Variants in PDE7B observed in about 807,000 individuals in gnomAD.
The protein encoded by PDE7B is 3',5'-cyclic-AMP phosphodiesterase 7B.
A neutral mutation model predicts 56.2 loss-of-function variants in PDE7B; 29 were observed. The observed-to-expected ratio is 0.52, with a 90% CI of 0.38 to 0.70. PDE7B has a LOEUF of 0.70. PDE7B is among the 30% of genes least tolerant of loss of function. The pLI is 0.00. For missense variants in PDE7B, 490 were observed against 565.0 expected (o/e 0.87, Z 1.35); for synonymous variants, 197 against 196.9 (o/e 1.00, Z 0.00).
chr6:136,187,403 G>A (rs1379705292), intron 12 of PDE7B, among the ~76,000 whole-genome samples: 3 of 152,132 alleles, frequency 2.0e-5, no homozygotes, highest in Non-Finnish European at 4.4e-5. Context: ...AAAAAGAGTA[G>A]AAGAAAAGTA....
intron 2 of PDE7B, among the ~76,000 whole-genome samples, chr6:136,063,875 C>T (rs1776887612): frequency 6.6e-6 from 1 of 152,216 alleles, no homozygotes; most frequent in African/African-American, 2.4e-5. Context: ...ATAGCACCTT[C>T]TAGCTTATGC....
At chr6:135,928,669 C>A (rs1774244295) in intron 1 of PDE7B, among the ~76,000 whole-genome samples, 1 of 150,658 alleles carries the variant, frequency 6.6e-6, no homozygotes, top group East Asian at 2.0e-4. Context: ...ATGAACAAAG[C>A]TAAAGGCCAT....
chr6:135,972,661 C>G (rs1474830368), intron 2 of PDE7B, among the ~76,000 whole-genome samples: 1 of 152,120 alleles, frequency 6.6e-6, no homozygotes, highest in African/African-American at 2.4e-5. Context: ...AGTGTCTGCT[C>G]TAAATCAATA....
chr6:136,064,417 G>C (rs1776898417), intron 2 of PDE7B: 1 of 152,166 alleles, frequency 6.6e-6, no homozygotes, highest in Admixed American at 6.5e-5. Context: ...TTGAATGCCA[G>C]GCTAGGAACA....
chr6:136,032,167 C>T (rs11154849), intron 2 of PDE7B, among the ~76,000 whole-genome samples: 50,487 of 152,046 alleles, frequency 0.33, 8,775 homozygotes, highest in Admixed American at 0.43. Flanking sequence ...AAACAAAACA[C>T]TGAGGCCCTC....
chr6:135,862,784 C>T (rs1032327582), intron 1 of PDE7B, among the ~76,000 whole-genome samples: 3 of 151,530 alleles, frequency 2.0e-5, no homozygotes, highest in African/African-American at 7.3e-5. Flanking sequence ...TTCAGTGTTT[C>T]TTCTTTTTGA....
chr6:136,094,377 A>G (rs987862170), intron 2 of PDE7B: 3 of 152,688 alleles, frequency 2.0e-5, no homozygotes, highest in African/African-American at 7.2e-5. Context: ...CTGCTCCACC[A>G]TGTTGGCCCC....
intron 3 of PDE7B, among the ~76,000 whole-genome samples, chr6:136,143,830 A>G (rs886131390): frequency 1.3e-5 from 2 of 152,122 alleles, no homozygotes; most frequent in Non-Finnish European, 2.9e-5. Context: ...TTCCTAAAGT[A>G]CTACACTACT....
intron 2 of PDE7B, among the ~76,000 whole-genome samples, chr6:136,001,470 T>G (rs1398364953): frequency 1.3e-5 from 2 of 152,058 alleles, no homozygotes; most frequent in Non-Finnish European, 2.9e-5. Context: ...TAGACAAATG[T>G]ATAACTAGAA....
intron 6 of PDE7B, among the ~76,000 whole-genome samples, chr6:136,152,347 A>G (rs1778534539): frequency 6.6e-6 from 1 of 152,226 alleles, no homozygotes; most frequent in Non-Finnish European, 1.5e-5. Flanking sequence ...AAAAATAATA[A>G]TAACTACCAT....
At chr6:135,859,080 C>A (rs905806059) in intron 1 of PDE7B, among the ~76,000 whole-genome samples, 3 of 151,258 alleles carry the variant, frequency 2.0e-5, no homozygotes, top group African/African-American at 7.3e-5. Context: ...AAAAGACCTT[C>A]ATTTCCCTTT....
intron 2 of PDE7B, among the ~76,000 whole-genome samples, chr6:136,092,304 T>A (rs1011949072): frequency 6.6e-6 from 1 of 152,198 alleles, no homozygotes; most frequent in African/African-American, 2.4e-5. Context: ...CTTCTCTGGG[T>A]TCAATTATCA....
At chr6:135,873,542 A>T (rs180838546) in intron 1 of PDE7B, among the ~76,000 whole-genome samples, 32 of 152,266 alleles carry the variant, frequency 2.1e-4, no homozygotes, top group Admixed American at 5.2e-4. Context: ...AATTCTGGAA[A>T]ATAATGGGTG....
chr6:136,085,671 G>A (rs1777279481), intron 2 of PDE7B, among the ~76,000 whole-genome samples: 1 of 152,150 alleles, frequency 6.6e-6, no homozygotes, highest in African/African-American at 2.4e-5. Flanking sequence ...GGCAAAGAGT[G>A]GAGGCAAAGT....
chr6:135,943,112 A>T (rs1431218789), intron 1 of PDE7B, among the ~76,000 whole-genome samples: 1 of 152,228 alleles, frequency 6.6e-6, no homozygotes. Flanking sequence ...AAAAACTAAT[A>T]TGGGAATTAA....
intron 1 of PDE7B, among the ~76,000 whole-genome samples, chr6:135,888,629 G>A (rs1241885468): frequency 6.6e-6 from 1 of 151,668 alleles, no homozygotes; most frequent in Non-Finnish European, 1.5e-5. Flanking sequence ...AATGTCGACA[G>A]TAGGTGTACT....
At chr6:136,084,201 T>A (rs1453543040) in intron 2 of PDE7B, among the ~76,000 whole-genome samples, 2 of 152,120 alleles carry the variant, frequency 1.3e-5, no homozygotes, top group Non-Finnish European at 2.9e-5. Context: ...TGAGATAGGG[T>A]TCCAAACCCA....
intron 1 of PDE7B, among the ~76,000 whole-genome samples, chr6:135,943,821 C>CCATTGT (rs1774547159): frequency 6.6e-6 from 1 of 152,182 alleles, no homozygotes; most frequent in African/African-American, 2.4e-5. Context: ...CATAGTTTGA[C>CCATTGT]TCTTTATGGT....
At chr6:136,087,425 CAAAG>C (rs1340927888) in intron 2 of PDE7B, among the ~76,000 whole-genome samples, 2 of 151,156 alleles carry the variant, frequency 1.3e-5, no homozygotes, top group East Asian at 3.9e-4. Flanking sequence ...TACTTCCAAG[CAAAG>C]AAAGAAAAAA....
Sources: gnomAD v4.1 joint callset for allele counts (sites outside exome capture counted in the v4.1 genomes callset) on GRCh38, gnomAD v4.1.1 for gene constraint, MANE v1.5 for transcripts, NCBI Gene and HGNC (gene_info 2026-07-23, HGNC 2026-07-21) for gene names.